PPP1R9A: variants seen among roughly 807,000 people sequenced by gnomAD.
PPP1R9A encodes the protein protein phosphatase 1 regulatory subunit 9A, also known as neurabin-1.
A neutral mutation model predicts 141.9 loss-of-function variants in PPP1R9A; 59 were observed. That is an observed-to-expected ratio of 0.42 (90% CI 0.34 to 0.52). PPP1R9A has a LOEUF of 0.52. Among genes scored for constraint, PPP1R9A ranks in the 20% least tolerant of loss-of-function variants. The pLI is 0.10. For missense variants in PPP1R9A, 1,444 were observed against 1,611.9 expected, an observed-to-expected ratio of 0.90 and a Z score of 1.78; for synonymous variants, 500 against 569.7, an observed-to-expected ratio of 0.88 and a Z score of 1.74.
chr7:94,970,951 T>C (rs1402629829), intron 2 of PPP1R9A, among the ~76,000 whole-genome samples: 8 of 152,138 alleles, frequency 5.3e-5, no homozygotes. Context: ...CTGGAAGATC[T>C]CTGTGGTCTT....
At chr7:95,072,611 A>T (rs1197497430) in intron 2 of PPP1R9A, among the ~76,000 whole-genome samples, 1 of 131,528 alleles carries the variant, frequency 7.6e-6, no homozygotes, top group African/African-American at 2.8e-5. Context: ...TGATTTTTTA[A>T]AAAATGTAAA....
At chr7:95,210,671 C>T (rs1791906869) in intron 7 of PPP1R9A, among the ~76,000 whole-genome samples, 1 of 152,140 alleles carries the variant, frequency 6.6e-6, no homozygotes, top group African/African-American at 2.4e-5. Context: ...GATTATAAAT[C>T]ATTCTACTGT....
chr7:94,930,632 G>A (rs1008890065), intron 2 of PPP1R9A, among the ~76,000 whole-genome samples: 5 of 152,102 alleles, frequency 3.3e-5, no homozygotes, highest in African/African-American at 1.2e-4. Context: ...GAACCACCAT[G>A]CCCAGCCCTA....
At position 95,294,282 on chromosome 7, in the gene PPP1R9A, T is replaced by C. The variant is rs977068400; in HGVS notation, c.*3979T>C. The C allele has an allele frequency of 1.4e-5, 2 of 147,738 alleles. No homozygotes were observed. The highest frequency in any genetic ancestry group is 5.0e-5 in the African/African-American group (2 of 40,004). 9.2% of individuals were successfully genotyped at this position (147,738 alleles called of 1,614,324 possible). On this transcript the variant is annotated 3_prime_UTR_variant, in exon 20 of 20. Coordinates refer to ENST00000433360, the MANE Select transcript of PPP1R9A (RefSeq NM_001166160.2). The stretch of plus-strand genomic sequence containing the variant: ...GTCCATATTTTCTTTTCTTTTCTTT[T>C]TTTTTTTTTTTTTCTGTCATCTGTC...
At chr7:95,251,633 A>G in intron 10 of PPP1R9A, 129 bp from the exon 11 acceptor site, 1 of 821,110 alleles carries the variant, frequency 1.2e-6, no homozygotes, top group South Asian at 2.3e-5. Context: ...TTTTTCCTCT[A>G]ACTGATTGAA....
intron 2 of PPP1R9A, among the ~76,000 whole-genome samples, chr7:94,945,651 T>A (rs1055076722): frequency 1.3e-5 from 2 of 152,034 alleles, no homozygotes; most frequent in Admixed American, 1.3e-4. Context: ...TATGAATATA[T>A]GTTTTGAAAT....
At chr7:95,082,998 G>A (rs868775311) in intron 2 of PPP1R9A, among the ~76,000 whole-genome samples, 8 of 151,412 alleles carry the variant, frequency 5.3e-5, no homozygotes, top group Admixed American at 1.3e-4. Flanking sequence ...CTCATGATCC[G>A]CCCACCTCGG....
intron 7 of PPP1R9A, among the ~76,000 whole-genome samples, chr7:95,225,280 G>A (rs993754754): frequency 3.3e-5 from 5 of 152,146 alleles, no homozygotes; most frequent in African/African-American, 1.2e-4. Context: ...TAATATTAAC[G>A]GATGCTTGGC....
At chr7:95,057,621 G>A (rs1006917994) in intron 2 of PPP1R9A, among the ~76,000 whole-genome samples, 3 of 152,014 alleles carry the variant, frequency 2.0e-5, no homozygotes, top group Non-Finnish European at 2.9e-5. Context: ...CTTATACAAC[G>A]TCTAAAACTT....
At chr7:94,964,532 G>T (rs1797993353) in intron 2 of PPP1R9A, among the ~76,000 whole-genome samples, 1 of 152,014 alleles carries the variant, frequency 6.6e-6, no homozygotes, top group African/African-American at 2.4e-5. Flanking sequence ...TCCCCTCCCT[G>T]TGTCCATGTG....
Position 95,274,095 on chromosome 7 carries a change from C to G in PPP1R9A, c.3223C>G (p.Arg1075Gly). 6.3e-7 allele frequency: 1 copy of G among 1,580,522 alleles called. No individual in the cohort carries two copies. The highest frequency in any genetic ancestry group is 8.6e-7 in the Non-Finnish European group (1 of 1,168,454). ...TTACTATCATTACAGGGCGCCTTTG[C>G]GAAGGAATTCCAGCAAGGGAAAGAA... ...RKFVDLGAPL[R>G]RNSSKGKKWK... Residue 1075 changes from arginine (R) to glycine (G), a missense_variant, in exon 16 of 20, where the codon CGA becomes GGA. Around this residue, in one of 5 missense-constraint regions of PPP1R9A, gnomAD observed 459 missense variants for 513.8 expected, o/e 0.89. Coordinates refer to ENST00000433360, the MANE Select transcript of PPP1R9A (RefSeq NM_001166160.2).
At chr7:94,918,918 A>G (rs534003844) in intron 2 of PPP1R9A, among the ~76,000 whole-genome samples, 2 of 152,326 alleles carry the variant, frequency 1.3e-5, no homozygotes, top group African/African-American at 2.4e-5. Context: ...AACAAATGCT[A>G]TCTGCCATTT....
intron 5 of PPP1R9A, among the ~76,000 whole-genome samples, chr7:95,190,486 GCTTTC>G (rs1247865296): frequency 6.6e-6 from 1 of 152,160 alleles, no homozygotes; most frequent in Non-Finnish European, 1.5e-5. Context: ...GAGGATGCTG[GCTTTC>G]TTGAATGCTG....
chr7:94,935,486 C>T (rs1006853281), intron 2 of PPP1R9A, among the ~76,000 whole-genome samples: 1 of 152,148 alleles, frequency 6.6e-6, no homozygotes, highest in Non-Finnish European at 1.5e-5. Context: ...GTATGCAGGG[C>T]CCCTGAAAGA....
chr7:95,198,210 A>G (rs1836575456), intron 5 of PPP1R9A, 139 bp from the exon 6 acceptor site: 3 of 719,564 alleles, frequency 4.2e-6, no homozygotes, highest in Non-Finnish European at 6.1e-6. Context: ...CTCACCCAAG[A>G]AAACCATTTT....
chr7:95,095,338 A>G (rs1817883695), intron 2 of PPP1R9A, among the ~76,000 whole-genome samples: 1 of 152,230 alleles, frequency 6.6e-6, no homozygotes, highest in African/African-American at 2.4e-5. Flanking sequence ...ATTAAAAGAT[A>G]CATGAGGTCA....
At chr7:95,260,175 C>T (rs1800212859) in intron 12 of PPP1R9A, among the ~76,000 whole-genome samples, 1 of 152,154 alleles carries the variant, frequency 6.6e-6, no homozygotes, top group Non-Finnish European at 1.5e-5. Context: ...AAAAGCAAAG[C>T]ACCTAAATTG....
chr7:95,095,437 A>G (rs907849189), intron 2 of PPP1R9A, among the ~76,000 whole-genome samples: 2 of 152,216 alleles, frequency 1.3e-5, no homozygotes, highest in African/African-American at 2.4e-5. Context: ...CTTCAAAAAC[A>G]CTAAGAATAA....
intron 2 of PPP1R9A, among the ~76,000 whole-genome samples, chr7:94,995,436 T>C (rs777786918): frequency 2.6e-5 from 4 of 151,974 alleles, no homozygotes; most frequent in Non-Finnish European, 5.9e-5. Flanking sequence ...AAATCACACA[T>C]ATGTTAGGTT....
Sources: gnomAD v4.1 joint callset for allele counts (sites outside exome capture counted in the v4.1 genomes callset) on GRCh38, gnomAD v4.1.1 for gene constraint, gnomAD v4.1.1 regional missense constraint, MANE v1.5 for transcripts, NCBI Gene and HGNC (gene_info 2026-07-23, HGNC 2026-07-21) for gene names.